The following TNS2 variants were observed in gnomAD, a reference collection of about 807,000 sequenced individuals.
TNS2 encodes tensin 2.
A neutral mutation model predicts 155.7 loss-of-function variants in TNS2; 77 were observed. That is an observed-to-expected ratio of 0.49 (90% CI 0.41 to 0.60). TNS2 has a LOEUF of 0.60. TNS2 is among the 20% of genes least tolerant of loss of function. TNS2 has a pLI of 0.00. For missense variants in TNS2, 1,703 were observed against 1,868.8 expected, an observed-to-expected ratio of 0.91 and a Z score of 1.64; for synonymous variants, 726 against 763.9, an observed-to-expected ratio of 0.95 and a Z score of 0.82.
Position 53,062,151 on chromosome 12 carries a change from A to G in TNS2, c.3575-2A>G, listed in dbSNP as rs1212836737. The G allele has an allele frequency of 1.9e-6, 3 of 1,613,828 alleles. No individual in the cohort carries two copies. The highest frequency in any genetic ancestry group is 1.7e-5 in the Admixed American group (1 of 60,002). On this transcript the variant is annotated splice_acceptor_variant, in intron 22 of 28. Transcript: ENST00000314250. LOFTEE classifies it high-confidence loss of function. ...CGCAATCTTCCCCTCGCCTCCTCTCAGGGGACCCCGTGGAACAGCTGGTCC... is the reference window on the plus strand; with the variant it reads ...CGCAATCTTCCCCTCGCCTCCTCTCGGGGGACCCCGTGGAACAGCTGGTCC...
In TNS2 at chr12:53,060,692, C is replaced by A. The variant is rs907958175; in HGVS notation, c.2786C>A (p.Thr929Asn). ...CCCTACAGCACCCGGCGACAGGACA[C>A]CAGGTCCCCCACCTCAGCGCCCACT... ...QGKESTRRQD[T>N]RSPTSAPTQR... Residue 929 changes from threonine to asparagine, a missense_variant, in exon 20 of 29, where the codon ACC becomes AAC. By Grantham distance (65) the Thr-to-Asn change is moderately conservative. Coordinates refer to ENST00000314250, the MANE Select transcript of TNS2 (RefSeq NM_170754.4). The surrounding 1 kb of genome is among the most constrained non-coding windows in gnomAD (Gnocchi z 6.1). The A allele has an allele frequency of 1.3e-6, 2 of 1,581,710 alleles. No individual in the cohort carries two copies. The highest frequency in any genetic ancestry group is 2.7e-5 in the African/African-American group (2 of 74,500).
At chr12:53,054,196 G>T (rs1944043450) in intron 6 of TNS2, 74 bp from the exon 7 acceptor site, 1 of 1,603,546 alleles carries the variant, frequency 6.2e-7, no homozygotes. Flanking sequence ...CTGCCCAACA[G>T]ACAGCCTTCC....
chr12:53,052,607 T>G, intron 3 of TNS2, 115 bp downstream of exon 3: 1 of 1,397,672 alleles, frequency 7.2e-7, no homozygotes, highest in Non-Finnish European at 1.0e-6. Flanking sequence ...CTCTCACCAC[T>G]GGGGAACCCC....
chr12:53,053,447 T>C lies in TNS2; in HGVS notation c.259T>C (p.Leu87=), dbSNP rs941011435. The part of the protein sequence containing the change: ...SACQALPPVE[L]RRNTAPVRRI... ...CTGTCAGGCCTTGCCTCCCGTGGAGTTGGTGAGTGCGCTCTGGGATGGGGT... is the reference window on the plus strand; with the variant it reads ...CTGTCAGGCCTTGCCTCCCGTGGAGCTGGTGAGTGCGCTCTGGGATGGGGT... Residue 87 remains leucine (L), a splice_region_variant and synonymous_variant, in exon 4 of 29, where the codon TTG becomes CTG. Coordinates refer to ENST00000314250, the MANE Select transcript of TNS2 (RefSeq NM_170754.4). 8 of 1,613,664 alleles carry C rather than the reference T, an allele frequency of 5.0e-6. No homozygotes were observed. The African/African-American group carries it at 9.4e-5, about 19-fold the overall frequency.
Position 53,050,132 on chromosome 12 carries a change from C to T in TNS2, c.-54C>T, listed in dbSNP as rs1943873752. On this transcript the variant is annotated 5_prime_UTR_variant, in exon 1 of 29. Coordinates refer to ENST00000314250, the MANE Select transcript of TNS2 (RefSeq NM_170754.4). This position sits in a 1 kb window ranked among gnomAD's most constrained non-coding sequence, Gnocchi z 4.7. ...AGGCCGCTTCCAGGAAGCCCCGGGC[C>T]AGGCCCCAGCATTGTTCAGGCCCTG... The T allele has an allele frequency of 5.0e-6, 8 of 1,588,664 alleles. No homozygotes were observed. The highest frequency in any genetic ancestry group is 6.8e-6 in the Non-Finnish European group (8 of 1,169,710).
At position 53,060,426 on chromosome 12, in the gene TNS2, G is replaced by A. The variant is rs201195725; in HGVS notation, c.2639G>A (p.Trp880Ter). ...GCAGAGTCGCTGGAGCCGGTGTCCT[G>A]GAGGGAGGGCCCCAGTGGGCACAGC... ...ASAESLEPVS[W>*]REGPSGHSTL... The change falls in exon 19 of 29, where the codon TGG becomes TAG. Residue 880 changes from tryptophan (W) to a stop codon, truncating the protein, a stop_gained. Transcript: ENST00000314250. LOFTEE classifies it high-confidence loss of function. The surrounding 1 kb of genome is among the most constrained non-coding windows in gnomAD (Gnocchi z 6.1). The A allele has an allele frequency of 6.2e-7, 1 of 1,613,420 alleles. No individual in the cohort carries two copies.
rs769164446 is a variant in TNS2, at chr12:53,058,790, T to C, written c.1368T>C (p.Tyr456=). Reference sequence around the variant, plus strand: ...AGCCAGCCGTGCGCTGGGACTCCTATGAGAACTTCAACCAGCACCACGAGG... The same window carrying C: ...AGCCAGCCGTGCGCTGGGACTCCTACGAGAACTTCAACCAGCACCACGAGG... The part of the protein sequence containing the change: ...TTEPAVRWDS[Y]ENFNQHHEDS... The change falls in exon 17 of 29, where the codon TAT becomes TAC. Residue 456 remains tyrosine, a synonymous_variant. Coordinates refer to ENST00000314250, the MANE Select transcript of TNS2 (RefSeq NM_170754.4). 2.5e-6 allele frequency: 4 copies of C among 1,613,798 alleles called. No homozygotes were observed. In the East Asian group the frequency reaches 8.9e-5, roughly 36 times the overall value.
chr12:53,050,142 C>T lies in TNS2; in HGVS notation c.-44C>T. 1 of 1,596,124 alleles carries T rather than the reference C, an allele frequency of 6.3e-7. No homozygotes were observed. Among genetic ancestry groups the T allele is most frequent in the Non-Finnish European group, 8.5e-7 (1 of 1,173,056 alleles). Reference sequence around the variant, plus strand: ...CAGGAAGCCCCGGGCCAGGCCCCAGCATTGTTCAGGCCCTGGGGCCAGCAC... The same window carrying T: ...CAGGAAGCCCCGGGCCAGGCCCCAGTATTGTTCAGGCCCTGGGGCCAGCAC... On this transcript the variant is annotated 5_prime_UTR_variant, in exon 1 of 29. Transcript: ENST00000314250. The surrounding 1 kb of genome is among the most constrained non-coding windows in gnomAD (Gnocchi z 4.7).
chr12:53,056,031 C>A, intron 10 of TNS2, 186 bp downstream of exon 10: 1 of 621,904 alleles, frequency 1.6e-6, no homozygotes, highest in Non-Finnish European at 2.7e-6. Flanking sequence ...TGTAGAGTTT[C>A]CTGGGGCAGC....
intron 11 of TNS2, 22 bp downstream of exon 11, chr12:53,057,118 G>T: frequency 6.2e-7 from 1 of 1,604,786 alleles, no homozygotes. Context: ...GGGTGGGGAT[G>T]GGCCAGAGGA....
In TNS2 at chr12:53,055,708, G is replaced by A. The variant is rs756401154; in HGVS notation, c.696+18G>A. 6.2e-7 allele frequency: 1 copy of A among 1,614,208 alleles called. No homozygotes were observed. The highest frequency in any genetic ancestry group is 2.2e-5 in the East Asian group (1 of 44,894). ...ACTGCAAGGTGGGCCAGGACCTCGG[G>A]TTCCCTGGTGCCTGGAGGTTCCAGG... On this transcript the variant is annotated intron_variant, in intron 9 of 28. Coordinates refer to ENST00000314250, the MANE Select transcript of TNS2 (RefSeq NM_170754.4).
Position 53,050,246 on chromosome 12 carries a change from C to G in TNS2, c.61C>G (p.Arg21Gly). The change falls in exon 1 of 29, where the codon CGG becomes GGG. Residue 21 changes from arginine (R) to glycine (G), a missense_variant. By Grantham distance (125) the Arg-to-Gly change is moderately radical. Transcript: ENST00000314250. The surrounding 1 kb of genome is among the most constrained non-coding windows in gnomAD (Gnocchi z 4.7). ...LRALGRRDSS[R>G]AASRPRKAEP... ...AGCCCTGGGGAGGAGGGACAGCAGC[C>G]GGGCCGCAAGCAGGGTAGGAGTGCC... 6.2e-7 allele frequency: 1 copy of G among 1,608,198 alleles called. No homozygotes were observed. The highest frequency in any genetic ancestry group is 8.5e-7 in the Non-Finnish European group (1 of 1,178,274).
chr12:53,050,409 G>A lies in TNS2; in HGVS notation c.75+149G>A, dbSNP rs946119339. ...CCCAGCATCCCCTCCGGAGTGGCCAGGGCTGTAGTGTGAGGGGATGTTTGG... is the reference window on the plus strand; with the variant it reads ...CCCAGCATCCCCTCCGGAGTGGCCAAGGCTGTAGTGTGAGGGGATGTTTGG... On this transcript the variant is annotated intron_variant, in intron 1 of 28. Transcript: ENST00000314250. This position sits in a 1 kb window ranked among gnomAD's most constrained non-coding sequence, Gnocchi z 4.7. The A allele has an allele frequency of 1.0e-6, 1 of 962,694 alleles. No individual in the cohort carries two copies. Among genetic ancestry groups the A allele is most frequent in the Non-Finnish European group, 1.5e-6 (1 of 663,718 alleles). The allele number at this position is 962,694 out of a possible 1,614,324, so 59.6% of individuals were successfully genotyped here.
In TNS2 at chr12:53,062,654, C is replaced by T. The variant is rs138185577; in HGVS notation, c.3780C>T (p.Pro1260=). ...PLEETPEAPV[P]TNMSTAADLL... is the part of the protein sequence containing the mutation. ...AAGAGACCCCAGAGGCTCCAGTGCC[C>T]ACCAACATGAGCACAGCGGCAGACC... Residue 1260 remains proline, a synonymous_variant, in exon 25 of 29, where the codon CCC becomes CCT. Transcript: ENST00000314250. The T allele has an allele frequency of 3.5e-4, 570 of 1,614,054 alleles. 3 individuals are homozygous for T. The African/African-American group carries it at 6.7e-3, about 19-fold the overall frequency.
chr12:53,055,280 C>T, intron 8 of TNS2, 44 bp downstream of exon 8: 1 of 1,598,718 alleles, frequency 6.3e-7, no homozygotes, highest in Non-Finnish European at 8.5e-7. Context: ...CAAGCCACCC[C>T]AACCCCAGAA....
Position 53,062,211 on chromosome 12 carries a change from G to A in TNS2, c.3633G>A (p.Val1211=), listed in dbSNP as rs764558517. The A allele has an allele frequency of 6.2e-7, 1 of 1,614,142 alleles. No homozygotes were observed. Among genetic ancestry groups the A allele is most frequent in the Non-Finnish European group, 8.5e-7 (1 of 1,180,016 alleles). ...HFLIETGPKG[V]KIKGCPSEPY... ...TCATCGAGACTGGGCCCAAAGGGGT[G>A]AAGATCAAGGGCTGCCCCAGTGAGC... The change falls in exon 23 of 29, where the codon GTG becomes GTA. Residue 1211 remains valine (V), a synonymous_variant. Transcript: ENST00000314250.
chr12:53,058,550 C>T, intron 15 of TNS2, 22 bp from the exon 16 acceptor site: 2 of 1,614,056 alleles, frequency 1.2e-6, no homozygotes, highest in Non-Finnish European at 8.5e-7. Context: ...GGGCCTGGTT[C>T]TTCACTGTCC....
Position 53,059,445 on chromosome 12 carries a change from T to G in TNS2, c.1804T>G (p.Cys602Gly). 1 of 1,502,406 alleles carries G rather than the reference T, an allele frequency of 6.7e-7. No homozygotes were observed. The highest frequency in any genetic ancestry group is 8.8e-7 in the Non-Finnish European group (1 of 1,130,226). The allele number at this position is 1,502,406 out of a possible 1,614,324, so 93.1% of individuals were successfully genotyped here. A position where few individuals can be genotyped will look rare whatever the true frequency, so the allele number is the denominator to read the frequency against. The change falls in exon 18 of 29, where the codon TGC becomes GGC. Residue 602 changes from cysteine (C) to glycine (G), a missense_variant. Physicochemically the swap from Cys to Gly is radical, Grantham distance 159. Coordinates refer to ENST00000314250, the MANE Select transcript of TNS2 (RefSeq NM_170754.4). This position sits in a 1 kb window ranked among gnomAD's most constrained non-coding sequence, Gnocchi z 4.7. ...CSCRQGYREPCGVPNGGYYRP... is the reference protein window; with the variant it reads ...CSCRQGYREPGGVPNGGYYRP... The stretch of plus-strand genomic sequence containing the variant: ...CTGCCGCCAGGGCTACCGGGAGCCC[T>G]GCGGGGTTCCCAATGGGGGCTACTA...
upstream of TNS2, among the ~76,000 whole-genome samples, chr12:53,048,789 CCA>C (rs1199415013): frequency 6.6e-6 from 1 of 152,168 alleles, no homozygotes; most frequent in Non-Finnish European, 1.5e-5. Flanking sequence ...AGGCCTCACC[CCA>C]GAGAATGCAG....
Sources: gnomAD v4.1 joint callset for allele counts (sites outside exome capture counted in the v4.1 genomes callset) on GRCh38, gnomAD v4.1.1 for gene constraint, Gnocchi (gnomAD v3.1) non-coding constraint, MANE v1.5 for transcripts, NCBI Gene and HGNC (gene_info 2026-07-23, HGNC 2026-07-21) for gene names.